Variants in RUSC2 observed in about 807,000 individuals in gnomAD.
The protein encoded by RUSC2 is AP-4 complex accessory subunit RUSC2.
Under a neutral mutation model 122.2 loss-of-function variants are expected in RUSC2, and 34 were observed. The ratio of observed to expected loss-of-function variants is 0.28; its 90% confidence interval spans 0.21 to 0.37. The LOEUF (loss-of-function observed/expected upper bound fraction) is 0.37. RUSC2 is among the 10% of genes least tolerant of loss of function. The probability of loss-of-function intolerance (pLI) is 1.00; values close to 1 mark genes in which losing one functional copy is unlikely to be tolerated. For missense variants in RUSC2, 1,747 were observed against 1,952.4 expected (o/e 0.89, Z 1.98); for synonymous variants, 784 against 790.0 (o/e 0.99, Z 0.13).
At position 35,555,522 on chromosome 9, in the gene RUSC2, G is replaced by A. The variant is rs560566760; in HGVS notation, c.2477G>A (p.Arg826Gln). The change falls in exon 3 of 12, where the codon CGG becomes CAG. Residue 826 changes from arginine (R) to glutamine (Q), a missense_variant. By Grantham distance (43) the Arg-to-Gln change is conservative. Coordinates refer to ENST00000361226, the MANE Select transcript of RUSC2 (RefSeq NM_014806.5). The surrounding 1 kb of genome is among the most constrained non-coding windows in gnomAD (Gnocchi z 4.6). ...AGCCACTCCTGTCCTTCTGCTGTCC[G>A]GCCTGCCACCTCCCAGCAGCCGCAG... ...PWSHSCPSAV[R>Q]PATSQQPQKE... 43 of 1,614,018 alleles carry A rather than the reference G, an allele frequency of 2.7e-5. 1 individual carries two copies. The highest frequency in any genetic ancestry group is 3.0e-5 in the Non-Finnish European group (35 of 1,180,028).
Position 35,557,895 on chromosome 9 carries a change from A to AG in RUSC2, c.2984-19_2984-18insG. 1 of 1,612,888 alleles carries AG rather than the reference A, an allele frequency of 6.2e-7. No homozygotes were observed. The highest frequency in any genetic ancestry group is 1.1e-5 in the South Asian group (1 of 91,064). On this transcript the variant is annotated intron_variant, in intron 5 of 11. Coordinates refer to ENST00000361226, the MANE Select transcript of RUSC2 (RefSeq NM_014806.5). The surrounding 1 kb of genome is among the most constrained non-coding windows in gnomAD (Gnocchi z 4.6). ...AAGGACTTGCTCAGGGACCTGTCAC[A>AG]TCACATTCTTCCCTGCAGGGCTGGT...
Position 35,560,247 on chromosome 9 carries a change from C to T in RUSC2, c.3607C>T (p.His1203Tyr), listed in dbSNP as rs762635299. ...RVSQDLLLSA[H>Y]STLQLARARG... ...GTCCCAGGACCTGCTGCTGTCTGCC[C>T]ACTCCACGCTGCAGCTGGCCCGGGC... Residue 1203 changes from histidine (H) to tyrosine (Y), a missense_variant, in exon 10 of 12, where the codon CAC (histidine) becomes TAC (tyrosine). Transcript: ENST00000361226. The T allele has an allele frequency of 1.9e-5, 31 of 1,598,562 alleles. 1 individual carries two copies. In the South Asian group the frequency reaches 3.4e-4, roughly 18 times the overall value.
chr9:35,532,141 G>A (rs961636596), intron 1 of RUSC2, among the ~76,000 whole-genome samples: 1 of 152,230 alleles, frequency 6.6e-6, no homozygotes, highest in Non-Finnish European at 1.5e-5. Context: ...TTTCAAGTTT[G>A]TGTTACAGGC....
At chr9:35,553,272 G>A (rs540649352) in intron 2 of RUSC2, among the ~76,000 whole-genome samples, 41 of 152,290 alleles carry the variant, frequency 2.7e-4, no homozygotes, top group African/African-American at 9.4e-4. Context: ...GCTAGTTGGT[G>A]TATGTAAGAA....
At chr9:35,542,260 T>G (rs142360811) in intron 1 of RUSC2, among the ~76,000 whole-genome samples, 197 of 152,274 alleles carry the variant, frequency 1.3e-3, no homozygotes, top group East Asian at 0.01. Context: ...TGAAAGAGCT[T>G]GACAGTTAAA....
chr9:35,544,803 C>A (rs1821713437), intron 1 of RUSC2, among the ~76,000 whole-genome samples: 1 of 151,714 alleles, frequency 6.6e-6, no homozygotes, highest in African/African-American at 2.4e-5. Context: ...GTCACTTGTG[C>A]CTTTGGTGTC....
intron 1 of RUSC2, among the ~76,000 whole-genome samples, chr9:35,495,487 G>T (rs970882244): frequency 6.6e-6 from 1 of 151,492 alleles, no homozygotes; most frequent in Non-Finnish European, 1.5e-5. Flanking sequence ...AGATATGTGA[G>T]GGTTTATTTC....
intron 1 of RUSC2, among the ~76,000 whole-genome samples, chr9:35,529,440 C>G (rs899605166): frequency 6.6e-6 from 1 of 150,548 alleles, no homozygotes; most frequent in African/African-American, 2.5e-5. Flanking sequence ...GCAAAACAAG[C>G]TGGAAATCTA....
chr9:35,548,063 G>A lies in RUSC2; in HGVS notation c.1542G>A (p.Leu514=). 1 of 1,613,456 alleles carries A rather than the reference G, an allele frequency of 6.2e-7. No homozygotes were observed. Among genetic ancestry groups the A allele is most frequent in the East Asian group, 2.2e-5 (1 of 44,884 alleles). Residue 514 remains leucine, a synonymous_variant, in exon 2 of 12, where the codon CTG becomes CTA. Coordinates refer to ENST00000361226, the MANE Select transcript of RUSC2 (RefSeq NM_014806.5). The surrounding 1 kb of genome is among the most constrained non-coding windows in gnomAD (Gnocchi z 4.5). ...QRSPPVRLGS[L]ERMLSCPVRL... ...GCCCTCCTGTCCGCCTGGGCTCGCT[G>A]GAACGTATGTTGAGTTGCCCAGTGC...
intron 1 of RUSC2, among the ~76,000 whole-genome samples, chr9:35,532,059 G>A (rs1283325987): frequency 2.0e-5 from 3 of 152,122 alleles, no homozygotes; most frequent in African/African-American, 7.2e-5. Context: ...GTCAATGCCC[G>A]AAACATTGGA....
At chr9:35,532,741 T>G (rs1306044300) in intron 1 of RUSC2, among the ~76,000 whole-genome samples, 1 of 151,904 alleles carries the variant, frequency 6.6e-6, no homozygotes, top group East Asian at 1.9e-4. Flanking sequence ...CGAAACTGTC[T>G]TAAATGTCTC....
chr9:35,490,981 T>TA (rs1446283187), intron 1 of RUSC2, among the ~76,000 whole-genome samples: 4 of 152,072 alleles, frequency 2.6e-5, no homozygotes, highest in African/African-American at 9.7e-5. Flanking sequence ...CAGTTGTCCT[T>TA]TGCGTTTTGA....
intron 1 of RUSC2, among the ~76,000 whole-genome samples, chr9:35,492,014 G>A (rs1820577451): frequency 6.6e-6 from 1 of 152,102 alleles, no homozygotes; most frequent in African/African-American, 2.4e-5. Context: ...GTGGGGAGGG[G>A]CTCCTGATCT....
chr9:35,527,381 TA>T (rs1821344484), intron 1 of RUSC2, among the ~76,000 whole-genome samples: 1 of 152,082 alleles, frequency 6.6e-6, no homozygotes, highest in South Asian at 2.1e-4. Context: ...CCCAGGCTCT[TA>T]CCAAATTCCT....
Position 35,557,845 on chromosome 9 carries a change from G to T in RUSC2, c.2984-69G>T. On this transcript the variant is annotated intron_variant, in intron 5 of 11. Coordinates refer to ENST00000361226, the MANE Select transcript of RUSC2 (RefSeq NM_014806.5). The surrounding 1 kb of genome is among the most constrained non-coding windows in gnomAD (Gnocchi z 4.6). Reference sequence around the variant, plus strand: ...GAGCCCTTTCCCTGAGGAAACCTGAGGTTTCAGCCCCAGCTGAGTTGGTTA... The same window carrying T: ...GAGCCCTTTCCCTGAGGAAACCTGATGTTTCAGCCCCAGCTGAGTTGGTTA... 1 of 1,349,734 alleles carries T rather than the reference G, an allele frequency of 7.4e-7. No individual in the cohort carries two copies. The highest frequency in any genetic ancestry group is 1.2e-5 in the South Asian group (1 of 85,670). The allele number at this position is 1,349,734 out of a possible 1,614,324, so 83.6% of individuals were successfully genotyped here. A position where few individuals can be genotyped will look rare whatever the true frequency, so the allele number is the denominator to read the frequency against.
chr9:35,518,479 G>A (rs1022568546), intron 1 of RUSC2, among the ~76,000 whole-genome samples: 7 of 152,182 alleles, frequency 4.6e-5, no homozygotes, highest in Admixed American at 6.5e-5. Flanking sequence ...TCTGCCTGAT[G>A]GGGCAAGTAG....
In RUSC2 at chr9:35,555,743, G is replaced by A. The variant is rs574360592; in HGVS notation, c.2656+42G>A. On this transcript the variant is annotated intron_variant, in intron 3 of 11. Transcript: ENST00000361226. The surrounding 1 kb of genome is among the most constrained non-coding windows in gnomAD (Gnocchi z 4.6). ...CTCCCTACCCAACCCGCCACCTCAC[G>A]CAAGCACTTCCACCACCTCCCCTTT... The A allele has an allele frequency of 5.8e-5, 90 of 1,554,556 alleles. No individual in the cohort carries two copies. Among genetic ancestry groups the A allele is most frequent in the Non-Finnish European group, 7.1e-5 (82 of 1,162,290 alleles).
intron 1 of RUSC2, among the ~76,000 whole-genome samples, chr9:35,534,350 G>A (rs899871488): frequency 3.4e-4 from 51 of 151,602 alleles, no homozygotes; most frequent in Non-Finnish European, 1.6e-4. Context: ...CGAAGCAGGA[G>A]GATCACTTGA....
At chr9:35,535,437 ATT>A (rs112502492) in intron 1 of RUSC2, among the ~76,000 whole-genome samples, 3 of 144,418 alleles carry the variant, frequency 2.1e-5, no homozygotes, top group East Asian at 2.0e-4. Flanking sequence ...TTTTTGATAG[ATT>A]TTTTTTTTTT....
Sources: allele counts gnomAD v4.1 joint callset (sites outside exome capture counted in the v4.1 genomes callset), GRCh38; gene constraint gnomAD v4.1.1; non-coding constraint Gnocchi (gnomAD v3.1); transcripts MANE v1.5; gene names NCBI Gene and HGNC (gene_info 2026-07-23, HGNC 2026-07-21).